LHFPL3: variants seen among roughly 807,000 people sequenced by gnomAD.
The protein encoded by LHFPL3 is LHFPL tetraspan subfamily member 3.
In LHFPL3, 5 loss-of-function variants were observed where a neutral mutation model predicts 19.3. The observed-to-expected ratio is 0.26, with a 90% CI of 0.14 to 0.54. The LOEUF is 0.54. Among genes scored for constraint, LHFPL3 ranks in the 20% least tolerant of loss-of-function variants. The pLI is 0.94. For missense variants in LHFPL3, 249 were observed against 307.4 expected (o/e 0.81, Z 1.42); for synonymous variants, 133 against 126.2 (o/e 1.05, Z -0.36).
chr7:104,598,912 A>C (rs1003627611), intron 1 of LHFPL3, among the ~76,000 whole-genome samples: 2 of 139,302 alleles, frequency 1.4e-5, no homozygotes, highest in African/African-American at 5.5e-5. Flanking sequence ...TTAGAGATGG[A>C]CTAGACAACA....
chr7:104,413,911 T>A (rs1261545966), intron 1 of LHFPL3, among the ~76,000 whole-genome samples: 1 of 152,220 alleles, frequency 6.6e-6, no homozygotes, highest in African/African-American at 2.4e-5. Context: ...TTTTAGATTT[T>A]CCATTCGACC....
intron 1 of LHFPL3, among the ~76,000 whole-genome samples, chr7:104,535,842 T>A (rs10231685): frequency 1.3e-5 from 2 of 152,014 alleles, no homozygotes; most frequent in African/African-American, 4.8e-5. Flanking sequence ...GTGATCAATG[T>A]TGGGATGGAT....
chr7:104,734,313 T>C (rs1422261620), intron 1 of LHFPL3, among the ~76,000 whole-genome samples: 1 of 152,196 alleles, frequency 6.6e-6, no homozygotes, highest in Non-Finnish European at 1.5e-5. Context: ...CTGCAGAGTG[T>C]TTTCCAACTT....
intron 2 of LHFPL3, among the ~76,000 whole-genome samples, chr7:104,821,938 A>G (rs532118346): frequency 2.0e-5 from 3 of 152,348 alleles, no homozygotes; most frequent in African/African-American, 7.2e-5. Flanking sequence ...TGTAACATGG[A>G]GATAATAACA....
At chr7:104,778,253 C>T (rs1415145083) in intron 2 of LHFPL3, among the ~76,000 whole-genome samples, 1 of 152,122 alleles carries the variant, frequency 6.6e-6, no homozygotes, top group Non-Finnish European at 1.5e-5. Context: ...CTCCTTGAGT[C>T]GATTAATACC....
At position 104,738,113 on chromosome 7, in the gene LHFPL3, A is replaced by G. The variant is rs57935592; in HGVS notation, c.682+1202A>G. On this transcript the variant is annotated intron_variant, in intron 2 of 2. Transcript: ENST00000424859. ...CTGATTTATAGACAGAACACATATT[A>G]GTTTTCTTAGTTCTATCAAAAATAT... is the stretch of plus-strand genomic sequence containing the variant. Among the ~76,000 whole-genome samples, 695 of 152,278 alleles carry G rather than the reference A, an allele frequency of 4.6e-3. 29 individuals carry two copies. The East Asian group carries it at 0.1, about 22-fold the overall frequency.
chr7:104,661,132 T>C (rs1792217257), intron 1 of LHFPL3, among the ~76,000 whole-genome samples: 1 of 152,158 alleles, frequency 6.6e-6, no homozygotes, highest in South Asian at 2.1e-4. Flanking sequence ...CCATGACATC[T>C]CTGGACCCAG....
At chr7:104,877,182 C>T (rs1304961905) in intron 2 of LHFPL3, among the ~76,000 whole-genome samples, 1 of 152,006 alleles carries the variant, frequency 6.6e-6, no homozygotes, top group Admixed American at 6.6e-5. Context: ...TGTTAAATGA[C>T]GAGTTACTGG....
intron 1 of LHFPL3, among the ~76,000 whole-genome samples, chr7:104,556,065 C>T (rs1177786619): frequency 6.6e-6 from 1 of 152,228 alleles, no homozygotes; most frequent in Non-Finnish European, 1.5e-5. Flanking sequence ...GCCCCTGTGG[C>T]TTTTCAGGGT....
chr7:104,497,071 T>C (rs141086629), intron 1 of LHFPL3, among the ~76,000 whole-genome samples: 29 of 152,296 alleles, frequency 1.9e-4, no homozygotes, highest in African/African-American at 7.0e-4. Context: ...TTCCTTGGAC[T>C]ATATGCTGGG....
intron 1 of LHFPL3, among the ~76,000 whole-genome samples, chr7:104,594,653 C>T (rs1195578504): frequency 6.6e-6 from 1 of 152,182 alleles, no homozygotes; most frequent in East Asian, 1.9e-4. Context: ...GTTCCATTCT[C>T]CCCATCACTT....
At chr7:104,502,543 G>T (rs578092892) in intron 1 of LHFPL3, among the ~76,000 whole-genome samples, 3 of 152,214 alleles carry the variant, frequency 2.0e-5, no homozygotes, top group African/African-American at 7.2e-5. Context: ...TACTGCCCTG[G>T]GTCCCATTCT....
chr7:104,328,733 G>A lies in LHFPL3; in HGVS notation c.-47G>A, dbSNP rs1256228303. On this transcript the variant is annotated 5_prime_UTR_variant, in exon 1 of 3. Transcript: ENST00000424859. This position sits in a 1 kb window ranked among gnomAD's most constrained non-coding sequence, Gnocchi z 4.6. ...GTCTCCTGCGCGCTGAGAGGCGGGG[G>A]GAGGCGGAGGACCAGGAGGAGGAGG... 6.7e-7 allele frequency: 1 copy of A among 1,489,102 alleles called. No homozygotes were observed. Among genetic ancestry groups the A allele is most frequent in the Admixed American group, 2.0e-5 (1 of 50,076 alleles). The allele number at this position is 1,489,102 out of a possible 1,614,324, so 92.2% of individuals were successfully genotyped here.
Position 104,344,686 on chromosome 7 carries a change from G to T in LHFPL3, c.445+15462G>T, listed in dbSNP as rs561974794. On this transcript the variant is annotated intron_variant, in intron 1 of 2. Coordinates refer to ENST00000424859, the MANE Select transcript of LHFPL3 (RefSeq NM_199000.3). ...ACATTAATTGATAGGCACTTAGGTT[G>T]GTTCCATAGCTTTGCAGCTGTGAAT... Among the ~76,000 whole-genome samples the T allele has an allele frequency of 2.6e-5, 4 of 152,272 alleles. 2 individuals are homozygous for T. Among genetic ancestry groups the T allele is most frequent in the African/African-American group, 9.6e-5 (4 of 41,550 alleles).
intron 1 of LHFPL3, among the ~76,000 whole-genome samples, chr7:104,600,613 T>G (rs77462181): frequency 6.6e-6 from 1 of 152,228 alleles, no homozygotes; most frequent in Non-Finnish European, 1.5e-5. Context: ...GTAGATTATG[T>G]AGATAAAATC....
At chr7:104,445,720 G>C (rs1792317386) in intron 1 of LHFPL3, among the ~76,000 whole-genome samples, 1 of 152,100 alleles carries the variant, frequency 6.6e-6, no homozygotes, top group African/African-American at 2.4e-5. Context: ...TTGTATCCAG[G>C]CAAAGTTGAA....
chr7:104,767,082 A>G (rs1438957748), intron 2 of LHFPL3, among the ~76,000 whole-genome samples: 4 of 152,254 alleles, frequency 2.6e-5, no homozygotes, highest in African/African-American at 9.6e-5. Flanking sequence ...CACAAACATA[A>G]TAAAAGTTAA....
chr7:104,668,536 A>T, intron 1 of LHFPL3: 1 of 1,613,166 alleles, frequency 6.2e-7, no homozygotes, highest in South Asian at 1.1e-5. Flanking sequence ...AGAGACTATG[A>T]TAGAGGCTAT....
chr7:104,591,341 C>T (rs1790718170), intron 1 of LHFPL3, among the ~76,000 whole-genome samples: 1 of 152,146 alleles, frequency 6.6e-6, no homozygotes, highest in African/African-American at 2.4e-5. Context: ...ATTTGTATGT[C>T]TGTAAAGTAT....
Sources: allele counts gnomAD v4.1 joint callset (sites outside exome capture counted in the v4.1 genomes callset), GRCh38; gene constraint gnomAD v4.1.1; non-coding constraint Gnocchi (gnomAD v3.1); transcripts MANE v1.5; gene names NCBI Gene and HGNC (gene_info 2026-07-23, HGNC 2026-07-21).